The following TOPBP1 variants were observed in gnomAD, a reference collection of about 807,000 sequenced individuals.
The protein encoded by TOPBP1 is DNA topoisomerase 2-binding protein 1.
Under a neutral mutation model 167.7 loss-of-function variants are expected in TOPBP1, and 28 were observed. That is an observed-to-expected ratio of 0.17 (90% confidence interval 0.12 to 0.23). The LOEUF (loss-of-function observed/expected upper bound fraction) is 0.23, where lower values mean the gene tolerates loss of function less well. TOPBP1 is among the 10% of genes least tolerant of loss of function. The pLI is 1.00. For missense variants in TOPBP1, 1,554 were observed against 1,809.6 expected (o/e 0.86, Z 2.56); for synonymous variants, 598 against 611.4 (o/e 0.98, Z 0.32).
chr3:133,603,590 C>T (rs1349678543), intron 27 of TOPBP1, among the ~76,000 whole-genome samples: 1 of 151,996 alleles, frequency 6.6e-6, no homozygotes, highest in African/African-American at 2.4e-5. Flanking sequence ...ACATTCAAGG[C>T]GGAGTAAGCC....
chr3:133,638,865 C>G (rs1313014593), intron 13 of TOPBP1, among the ~76,000 whole-genome samples: 2 of 152,208 alleles, frequency 1.3e-5, no homozygotes, highest in African/African-American at 4.8e-5. Flanking sequence ...ACAGAATTCA[C>G]AAGACATGCA....
At chr3:133,630,634 C>T (rs1935441914) in intron 14 of TOPBP1, among the ~76,000 whole-genome samples, 1 of 151,970 alleles carries the variant, frequency 6.6e-6, no homozygotes, top group South Asian at 2.1e-4. Context: ...GTCTTGCTCT[C>T]TTGCCCAGAA....
intron 3 of TOPBP1, among the ~76,000 whole-genome samples, chr3:133,658,408 A>G (rs1218755349): frequency 6.6e-6 from 1 of 152,104 alleles, no homozygotes; most frequent in Non-Finnish European, 1.5e-5. Flanking sequence ...CGGAGGTTGC[A>G]GTGAGCTGAG....
At chr3:133,639,911 A>G (rs778710548) in intron 13 of TOPBP1, 48 bp downstream of exon 13, 10 of 1,560,754 alleles carry the variant, frequency 6.4e-6, no homozygotes, top group Non-Finnish European at 1.7e-6. Flanking sequence ...TATCCCAGAA[A>G]CCATCTAGTT....
intron 8 of TOPBP1, among the ~76,000 whole-genome samples, chr3:133,651,172 T>C (rs1212106595): frequency 3.0e-5 from 1 of 33,834 alleles, no homozygotes; most frequent in African/African-American, 1.0e-4. Context: ...CGAATTTCCC[T>C]TTTTTTTTTT....
chr3:133,640,024 T>G lies in TOPBP1; in HGVS notation c.2168A>C (p.Glu723Ala). The G allele has an allele frequency of 6.2e-7, 1 of 1,613,924 alleles. No homozygotes were observed. The highest frequency in any genetic ancestry group is 8.5e-7 in the Non-Finnish European group (1 of 1,179,862). ...LPAVTIAWLL[E>A]TARTGKRADE... Reference sequence around the variant, plus strand: ...TGCTCTCTTTCCCGTTCTAGCAGTCTCCAACAGCCAAGCTATAGTAACGGC... The same window carrying G: ...TGCTCTCTTTCCCGTTCTAGCAGTCGCCAACAGCCAAGCTATAGTAACGGC... Residue 723 changes from glutamate (E) to alanine (A), a missense_variant, in exon 13 of 28, where the codon GAG becomes GCG. Around this residue, in one of 3 missense-constraint regions of TOPBP1, gnomAD observed 1,197 missense variants for 1,351.5 expected, o/e 0.89. Coordinates refer to ENST00000260810, the MANE Select transcript of TOPBP1 (RefSeq NM_007027.4).
chr3:133,659,190 T>C, intron 2 of TOPBP1, 40 bp from the exon 3 acceptor site: 2 of 1,502,978 alleles, frequency 1.3e-6, no homozygotes, highest in Non-Finnish European at 1.8e-6. Flanking sequence ...CTGAAATTAC[T>C]CTCCTGTATT....
In TOPBP1 at chr3:133,623,143, A is replaced by C. The variant is rs760933829; in HGVS notation, c.3126T>G (p.Asn1042Lys). ...EENDVDNMAT[N>K]NKESAPSNGS... ...CATTTGATGGTGCTGACTCTTTATT[A>C]TTGGTGGCCATATTGTCTACATCAT... The change falls in exon 19 of 28, where the codon AAT becomes AAG. Residue 1042 changes from asparagine to lysine, a missense_variant. By Grantham distance (94) the Asn-to-Lys change is moderately conservative. Transcript: ENST00000260810. 6.2e-7 allele frequency: 1 copy of C among 1,612,228 alleles called. No homozygotes were observed. The highest frequency in any genetic ancestry group is 1.1e-5 in the South Asian group (1 of 90,936).
At chr3:133,604,917 T>C (rs966743409) in intron 27 of TOPBP1, among the ~76,000 whole-genome samples, 10 of 151,280 alleles carry the variant, frequency 6.6e-5, no homozygotes, top group African/African-American at 1.9e-4. Context: ...AGACTCCATC[T>C]AAAAAATAAA....
Position 133,623,330 on chromosome 3 carries a change from G to A in TOPBP1, c.3056C>T (p.Ser1019Phe). The A allele has an allele frequency of 6.2e-7, 1 of 1,613,704 alleles. No homozygotes were observed. Among genetic ancestry groups the A allele is most frequent in the Non-Finnish European group, 8.5e-7 (1 of 1,179,796 alleles). Residue 1019 changes from serine (S) to phenylalanine (F), a missense_variant, in exon 18 of 28, where the codon TCT (serine) becomes TTT (phenylalanine). Around this residue, in one of 3 missense-constraint regions of TOPBP1, gnomAD observed 1,197 missense variants for 1,351.5 expected, o/e 0.89. Transcript: ENST00000260810. ...LCNSRLLSAV[S>F]STKDDEPDPL... Reference sequence around the variant, plus strand: ...TCCTACCTCATCATCCTTTGTTGAAGACACAGCTGAGAGTAGTCGACTATT... The same window carrying A: ...TCCTACCTCATCATCCTTTGTTGAAAACACAGCTGAGAGTAGTCGACTATT...
chr3:133,613,196 T>C (rs368322363), intron 23 of TOPBP1, among the ~76,000 whole-genome samples: 3 of 152,178 alleles, frequency 2.0e-5, no homozygotes, highest in Non-Finnish European at 4.4e-5. Context: ...CTAGATACCA[T>C]GTTACTGACC....
At position 133,620,369 on chromosome 3, in the gene TOPBP1, C is replaced by T. The variant is rs1350845656; in HGVS notation, c.3179-22G>A. ...AGAACTTGAAACAAACACAAATACA[C>T]CATTCAAGGTAAGTTCCTCTTTTTT... On this transcript the variant is annotated intron_variant, in intron 19 of 27. Coordinates refer to ENST00000260810, the MANE Select transcript of TOPBP1 (RefSeq NM_007027.4). 2.5e-6 allele frequency: 4 copies of T among 1,604,064 alleles called. No individual in the cohort carries two copies. In the East Asian group the frequency reaches 6.7e-5, roughly 27 times the overall value.
intron 14 of TOPBP1, among the ~76,000 whole-genome samples, chr3:133,634,258 C>CA (rs1935590269): frequency 1.3e-5 from 2 of 152,320 alleles, no homozygotes; most frequent in South Asian, 4.1e-4. Flanking sequence ...CCTGTAATCC[C>CA]AGCACTTTCA....
At chr3:133,651,707 G>A (rs1446254987) in intron 8 of TOPBP1, among the ~76,000 whole-genome samples, 1 of 152,118 alleles carries the variant, frequency 6.6e-6, no homozygotes, top group African/African-American at 2.4e-5. Flanking sequence ...ACAAAGCAGT[G>A]GCTCTAATGG....
chr3:133,610,462 G>A (rs1267210687), intron 25 of TOPBP1, among the ~76,000 whole-genome samples: 7 of 151,974 alleles, frequency 4.6e-5, no homozygotes, highest in Non-Finnish European at 1.0e-4. Flanking sequence ...CTAAAGTACT[G>A]ATGAACACAA....
chr3:133,657,978 GA>G, intron 3 of TOPBP1, 37 bp from the exon 4 acceptor site: 2 of 1,465,066 alleles, frequency 1.4e-6, no homozygotes, highest in South Asian at 2.9e-5. Flanking sequence ...AGTTAAGAAG[GA>G]AAAGACCACC....
intron 27 of TOPBP1, among the ~76,000 whole-genome samples, chr3:133,607,847 C>T (rs1340881578): frequency 3.9e-5 from 6 of 152,226 alleles, no homozygotes; most frequent in Non-Finnish European, 8.8e-5. Flanking sequence ...AACGGCTTCA[C>T]ATTTGTGTTT....
chr3:133,655,671 AAAGT>A (rs1936456594), intron 5 of TOPBP1, among the ~76,000 whole-genome samples, 185 bp from the exon 6 acceptor site: 1 of 152,220 alleles, frequency 6.6e-6, no homozygotes. Flanking sequence ...TCTCTAAAAC[AAAGT>A]AATTGTTTCA....
chr3:133,642,958 T>C (rs536741418), intron 12 of TOPBP1, among the ~76,000 whole-genome samples: 6 of 152,290 alleles, frequency 3.9e-5, no homozygotes, highest in Non-Finnish European at 7.3e-5. Flanking sequence ...CACTATTTCA[T>C]GTGTTTGGAC....
Sources: allele counts gnomAD v4.1 joint callset (sites outside exome capture counted in the v4.1 genomes callset), GRCh38; gene constraint gnomAD v4.1.1; regional missense constraint gnomAD v4.1.1; transcripts MANE v1.5; gene names NCBI Gene and HGNC (gene_info 2026-07-23, HGNC 2026-07-21).